OR52E4: variants seen among roughly 807,000 people sequenced by gnomAD.
OR52E4 encodes olfactory receptor family 52 subfamily E member 4.
For synonymous variants in OR52E4, 169 were observed against 137.4 expected, an observed-to-expected ratio of 1.23 and a Z score of -1.61; for missense variants, 444 against 383.8, an observed-to-expected ratio of 1.16 and a Z score of -1.31.
At chr11:5,883,125 A>AT (rs915142204) in intron 1 of OR52E4, among the ~76,000 whole-genome samples, 32 of 152,010 alleles carry the variant, frequency 2.1e-4, no homozygotes, top group South Asian at 4.2e-4. Context: ...GGACATGGGA[A>AT]TTTTTTTTAT....
At position 5,885,989 on chromosome 11, in the gene OR52E4, G is replaced by A. The variant is rs905854680; in HGVS notation, c.*758G>A. The A allele has an allele frequency of 2.0e-5, 3 of 152,040 alleles. No individual in the cohort carries two copies. The highest frequency in any genetic ancestry group is 4.4e-5 in the Non-Finnish European group (3 of 67,998). The allele number at this position is 152,040 out of a possible 1,614,324, so 9.4% of individuals were successfully genotyped here. A position where few individuals can be genotyped will look rare whatever the true frequency, so the allele number is the denominator to read the frequency against. On this transcript the variant is annotated 3_prime_UTR_variant, in exon 2 of 2. Coordinates refer to ENST00000641726, the MANE Select transcript of OR52E4 (RefSeq NM_001005165.2). ...TAGAATATAAAGCAGGCAGAAAAAT[G>A]TGAAAAGACTAGATGGGCCTAGCCT... is the stretch of plus-strand genomic sequence containing the variant.
chr11:5,881,781 T>C (rs1846966594), intron 1 of OR52E4, among the ~76,000 whole-genome samples: 1 of 152,044 alleles, frequency 6.6e-6, no homozygotes, highest in Middle Eastern at 3.2e-3. Context: ...ATCATTAAAA[T>C]AAACCACATT....
rs1184208824 is a variant in OR52E4 at position 5,884,598 on chromosome 11, G to T, written c.306G>T (p.Gln102His). Residue 102 changes from glutamine (Q) to histidine (H), a missense_variant, in exon 2 of 2, where the codon CAG (glutamine) becomes CAT (histidine). Coordinates refer to ENST00000641726, the MANE Select transcript of OR52E4 (RefSeq NM_001005165.2). ...QEISFGGCLL[Q>H]MFFIHMFTGM... ...TCAGCTTTGGGGGATGCCTTCTTCAGATGTTCTTTATTCACATGTTTACAG... is the reference window on the plus strand; with the variant it reads ...TCAGCTTTGGGGGATGCCTTCTTCATATGTTCTTTATTCACATGTTTACAG... 6 of 1,613,362 alleles carry T rather than the reference G, an allele frequency of 3.7e-6. No homozygotes were observed. The highest frequency in any genetic ancestry group is 3.3e-5 in the Admixed American group (2 of 59,862).
chr11:5,883,909 C>T (rs1167683499), intron 1 of OR52E4, among the ~76,000 whole-genome samples: 1 of 152,008 alleles, frequency 6.6e-6, no homozygotes, highest in African/African-American at 2.4e-5. Context: ...CAAGACCACA[C>T]TTCAAAGAAC....
intron 1 of OR52E4, among the ~76,000 whole-genome samples, 196 bp from the exon 2 acceptor site, chr11:5,884,023 A>G (rs1296020979): frequency 1.3e-5 from 2 of 152,074 alleles, no homozygotes; most frequent in Non-Finnish European, 2.9e-5. Flanking sequence ...AATTTTTCCC[A>G]TTCTTTCAAA....
Position 5,884,610 on chromosome 11 carries a change from T to A in OR52E4, c.318T>A (p.Ile106=). Residue 106 remains isoleucine, a synonymous_variant, in exon 2 of 2, where the codon ATT becomes ATA. Transcript: ENST00000641726. Reference sequence around the variant, plus strand: ...GATGCCTTCTTCAGATGTTCTTTATTCACATGTTTACAGGCATGGAGACTG... The same window carrying A: ...GATGCCTTCTTCAGATGTTCTTTATACACATGTTTACAGGCATGGAGACTG... ...FGGCLLQMFF[I]HMFTGMETVL... 1 of 1,613,518 alleles carries A rather than the reference T, an allele frequency of 6.2e-7. No homozygotes were observed. Among genetic ancestry groups the A allele is most frequent in the Non-Finnish European group, 8.5e-7 (1 of 1,179,686 alleles).
At chr11:5,883,794 T>A (rs1564991198) in intron 1 of OR52E4, among the ~76,000 whole-genome samples, 1 of 152,004 alleles carries the variant, frequency 6.6e-6, no homozygotes, top group Non-Finnish European at 1.5e-5. Flanking sequence ...TTTCACTATG[T>A]ACTTATGAGA....
chr11:5,883,664 T>A (rs1021611669), intron 1 of OR52E4, among the ~76,000 whole-genome samples: 1 of 151,956 alleles, frequency 6.6e-6, no homozygotes, highest in African/African-American at 2.4e-5. Flanking sequence ...AAAAATGGTA[T>A]CATTTTCCTT....
rs766357544 is a variant in OR52E4 at position 5,885,035 on chromosome 11, T to C, written c.743T>C (p.Val248Ala). 3 of 1,613,472 alleles carry C rather than the reference T, an allele frequency of 1.9e-6. No homozygotes were observed. Among genetic ancestry groups the C allele is most frequent in the Non-Finnish European group, 2.5e-6 (3 of 1,179,740 alleles). The part of the protein sequence containing the change: ...AFNTCGSHVC[V>A]MLCFYTPAFF... The stretch of plus-strand genomic sequence containing the variant: ...AATACCTGTGGTTCTCATGTCTGTG[T>C]TATGCTGTGCTTTTACACACCAGCA... Residue 248 changes from valine to alanine, a missense_variant, in exon 2 of 2, where the codon GTT becomes GCT. Transcript: ENST00000641726.
intron 1 of OR52E4, among the ~76,000 whole-genome samples, chr11:5,881,103 T>C (rs1427791533): frequency 1.3e-5 from 2 of 152,148 alleles, no homozygotes; most frequent in Non-Finnish European, 2.9e-5. Flanking sequence ...ACTTCTTTTG[T>C]ATGTGTTTAT....
intron 1 of OR52E4, among the ~76,000 whole-genome samples, chr11:5,881,701 T>C (rs1207675559): frequency 2.0e-5 from 3 of 152,124 alleles, no homozygotes; most frequent in African/African-American, 7.2e-5. Flanking sequence ...GGAGCATTAA[T>C]AAAATAAGTA....
At position 5,885,462 on chromosome 11, in the gene OR52E4, A is replaced by G; in HGVS notation, c.*231A>G. 1 of 430,820 alleles carries G rather than the reference A, an allele frequency of 2.3e-6. No individual in the cohort carries two copies. The highest frequency in any genetic ancestry group is 4.1e-6 in the Non-Finnish European group (1 of 243,882). The allele number at this position is 430,820 out of a possible 1,614,324, so 26.7% of individuals were successfully genotyped here. ...TTAGAGATTAATGGAGAAGGTAACT[A>G]TGCTGAAGGTTGAGGTGGCTTTGGA... On this transcript the variant is annotated 3_prime_UTR_variant, in exon 2 of 2. Transcript: ENST00000641726.
At position 5,886,183 on chromosome 11, in the gene OR52E4, GTGTGTA is replaced by G. The variant is rs1389364555; in HGVS notation, c.*959_*964del. 3.0e-4 allele frequency: 36 copies of G among 120,386 alleles called. 1 individual carries two copies. Among genetic ancestry groups the G allele is most frequent in the Non-Finnish European group, 1.3e-4 (8 of 59,712 alleles). 7.5% of individuals were successfully genotyped at this position (120,386 alleles called of 1,614,324 possible). On this transcript the variant is annotated 3_prime_UTR_variant, in exon 2 of 2. Coordinates refer to ENST00000641726, the MANE Select transcript of OR52E4 (RefSeq NM_001005165.2). ...AATACTTAATTCCCCCTTTGTGTGTGTGTGTATGTGTACACACACACACACACACAC... is the reference window on the plus strand; with the variant it reads ...AATACTTAATTCCCCCTTTGTGTGTGTGTGTACACACACACACACACACAC...
Position 5,884,863 on chromosome 11 carries a change from T to G in OR52E4, c.571T>G (p.Cys191Gly). 1 of 1,613,422 alleles carries G rather than the reference T, an allele frequency of 6.2e-7. No homozygotes were observed. Among genetic ancestry groups the G allele is most frequent in the Non-Finnish European group, 8.5e-7 (1 of 1,179,564 alleles). The change falls in exon 2 of 2, where the codon TGT becomes GGT. Residue 191 changes from cysteine to glycine, a missense_variant. Coordinates refer to ENST00000641726, the MANE Select transcript of OR52E4 (RefSeq NM_001005165.2). ...GCACAGGGGTCTGGCCGGGTTGGCC[T>G]GTGCACCCATTAAGATCAACATAAT... ...CEHRGLAGLA[C>G]APIKINIIYG...
chr11:5,882,891 C>T (rs945819061), intron 1 of OR52E4, among the ~76,000 whole-genome samples: 3 of 152,024 alleles, frequency 2.0e-5, no homozygotes, highest in Admixed American at 1.3e-4. Flanking sequence ...TGCAGCTATT[C>T]TCTTTGTAGA....
intron 1 of OR52E4, among the ~76,000 whole-genome samples, chr11:5,881,852 A>C (rs901968476): frequency 4.6e-5 from 7 of 152,074 alleles, no homozygotes; most frequent in Non-Finnish European, 1.0e-4. Flanking sequence ...CTGGTTAAAG[A>C]ATCTGTCCAA....
intron 1 of OR52E4, among the ~76,000 whole-genome samples, chr11:5,883,361 T>G (rs532200417): frequency 2.6e-5 from 4 of 152,174 alleles, no homozygotes; most frequent in South Asian, 4.1e-4. Flanking sequence ...AGAGACTGAT[T>G]AACTACACTT....
At chr11:5,881,432 G>A (rs1846962334) in intron 1 of OR52E4, among the ~76,000 whole-genome samples, 1 of 152,110 alleles carries the variant, frequency 6.6e-6, no homozygotes, top group Non-Finnish European at 1.5e-5. Flanking sequence ...TGGGAAAGCT[G>A]TAAGAATAAG....
In OR52E4 at chr11:5,886,693, G is replaced by C. The variant is rs1847048588; in HGVS notation, c.*1462G>C. ...TGAACTGAAATTTGTGACTTATCAG[G>C]GTACTCATGCTTCAAAATCAGAAGA... On this transcript the variant is annotated 3_prime_UTR_variant, in exon 2 of 2. Transcript: ENST00000641726. 6.6e-6 allele frequency: 1 copy of C among 151,928 alleles called. No homozygotes were observed. The highest frequency in any genetic ancestry group is 1.5e-5 in the Non-Finnish European group (1 of 67,962). 9.4% of individuals were successfully genotyped at this position (151,928 alleles called of 1,614,324 possible).
Sources: allele counts gnomAD v4.1 joint callset (sites outside exome capture counted in the v4.1 genomes callset), GRCh38; gene constraint gnomAD v4.1.1; transcripts MANE v1.5; gene names NCBI Gene and HGNC (gene_info 2026-07-23, HGNC 2026-07-21).